HPCAL1: variants seen among roughly 807,000 people sequenced by gnomAD.
HPCAL1 encodes hippocalcin like 1.
Under a neutral mutation model 17.1 loss-of-function variants are expected in HPCAL1, and 8 were observed. That is an observed-to-expected ratio of 0.47 (90% CI 0.27 to 0.84). The LOEUF is 0.84. Among genes scored for constraint, HPCAL1 ranks in the 40% least tolerant of loss-of-function variants. HPCAL1 has a pLI of 0.13. For missense variants in HPCAL1, 165 were observed against 271.1 expected (o/e 0.61, Z 2.75); for synonymous variants, 112 against 111.4 (o/e 1.01, Z -0.03).
rs549897952 is a variant in HPCAL1 at position 10,377,518 on chromosome 2, C to T, written c.-110-19317C>T. 2.0e-5 allele frequency among the ~76,000 whole-genome samples: 3 copies of T among 152,248 alleles called. No individual in the cohort carries two copies. Among genetic ancestry groups the T allele is most frequent in the East Asian group, 3.9e-4 (2 of 5,164 alleles). ...CCACACCCCCATCCCTGTCCTTTCA[C>T]GCACTGTCTGCCCGCACACACTCTT... On this transcript the variant is annotated intron_variant, in intron 1 of 4. Coordinates refer to ENST00000307845, the MANE Select transcript of HPCAL1 (RefSeq NM_002149.4). The surrounding 1 kb of genome is among the most constrained non-coding windows in gnomAD (Gnocchi z 5.9).
At chr2:10,346,586 C>T (rs910504507) in intron 1 of HPCAL1, among the ~76,000 whole-genome samples, 6 of 152,222 alleles carry the variant, frequency 3.9e-5, no homozygotes, top group Admixed American at 3.9e-4. Context: ...ATTAAAAGCA[C>T]TGTCCAGTTG....
rs1665271570 is a variant in HPCAL1, at chr2:10,344,291, C to T, written c.-111+41114C>T. Reference sequence around the variant, plus strand: ...TGTGGGGTGTGCAGCAGCCCTGAGCCAAGGATTAATTACGTAACAAGCCCA... The same window carrying T: ...TGTGGGGTGTGCAGCAGCCCTGAGCTAAGGATTAATTACGTAACAAGCCCA... On this transcript the variant is annotated intron_variant, in intron 1 of 4. Transcript: ENST00000307845. The surrounding 1 kb of genome is among the most constrained non-coding windows in gnomAD (Gnocchi z 4.9). Among the ~76,000 whole-genome samples, 1 of 152,046 alleles carries T rather than the reference C, an allele frequency of 6.6e-6. No individual in the cohort carries two copies. Among genetic ancestry groups the T allele is most frequent in the African/African-American group, 2.4e-5 (1 of 41,372 alleles).
chr2:10,332,750 C>T (rs1664463000), intron 1 of HPCAL1, among the ~76,000 whole-genome samples: 1 of 151,776 alleles, frequency 6.6e-6, no homozygotes, highest in Admixed American at 6.6e-5. Flanking sequence ...GAGAAGACAT[C>T]ACAGGTAGGG....
intron 2 of HPCAL1, among the ~76,000 whole-genome samples, chr2:10,399,436 CCACCATCACCAT>C (rs1669384639): frequency 1.3e-5 from 1 of 76,612 alleles, no homozygotes; most frequent in African/African-American, 4.1e-5. Context: ...ACCACCACCA[CCACCATCACCAT>C]CACCACCACC....
rs1011790101 is a variant in HPCAL1, at chr2:10,342,650, C to T, written c.-111+39473C>T. ...GCAGAGGTGCTGGCTGGAGGAACCCCGTGTGTTTGCACTGTGCTCTGAGCT... is the reference window on the plus strand; with the variant it reads ...GCAGAGGTGCTGGCTGGAGGAACCCTGTGTGTTTGCACTGTGCTCTGAGCT... On this transcript the variant is annotated intron_variant, in intron 1 of 4. Coordinates refer to ENST00000307845, the MANE Select transcript of HPCAL1 (RefSeq NM_002149.4). This position sits in a 1 kb window ranked among gnomAD's most constrained non-coding sequence, Gnocchi z 4.1. Among the ~76,000 whole-genome samples, 5 of 152,184 alleles carry T rather than the reference C, an allele frequency of 3.3e-5. No homozygotes were observed. Among genetic ancestry groups the T allele is most frequent in the African/African-American group, 9.7e-5 (4 of 41,442 alleles).
chr2:10,378,378 C>T (rs975591281), intron 1 of HPCAL1, among the ~76,000 whole-genome samples: 2 of 151,932 alleles, frequency 1.3e-5, no homozygotes, highest in Non-Finnish European at 2.9e-5. Flanking sequence ...GGGTGCTTGC[C>T]TCAGCTCTCA....
chr2:10,314,302 G>T (rs1663166427), intron 1 of HPCAL1, among the ~76,000 whole-genome samples: 1 of 151,958 alleles, frequency 6.6e-6, no homozygotes, highest in Admixed American at 6.6e-5. Context: ...AGGGGTGGGG[G>T]GTGGCAGGAA....
Position 10,344,814 on chromosome 2 carries a change from T to C in HPCAL1, c.-111+41637T>C, listed in dbSNP as rs1439275689. Among the ~76,000 whole-genome samples, 4 of 152,134 alleles carry C rather than the reference T, an allele frequency of 2.6e-5. No homozygotes were observed. Among genetic ancestry groups the C allele is most frequent in the African/African-American group, 9.7e-5 (4 of 41,412 alleles). Reference sequence around the variant, plus strand: ...TTCTGTCTCTTTCTGCTTCTCTCTCTGTGTCTGTCTCTGTCTCTCTCTTTC... The same window carrying C: ...TTCTGTCTCTTTCTGCTTCTCTCTCCGTGTCTGTCTCTGTCTCTCTCTTTC... On this transcript the variant is annotated intron_variant, in intron 1 of 4. Coordinates refer to ENST00000307845, the MANE Select transcript of HPCAL1 (RefSeq NM_002149.4). This position sits in a 1 kb window ranked among gnomAD's most constrained non-coding sequence, Gnocchi z 4.9.
At position 10,384,330 on chromosome 2, in the gene HPCAL1, G is replaced by A. The variant is rs1668170433; in HGVS notation, c.-110-12505G>A. 6.6e-6 allele frequency among the ~76,000 whole-genome samples: 1 copy of A among 152,130 alleles called. No homozygotes were observed. The highest frequency in any genetic ancestry group is 2.1e-4 in the South Asian group (1 of 4,834). On this transcript the variant is annotated intron_variant, in intron 1 of 4. Transcript: ENST00000307845. This position sits in a 1 kb window ranked among gnomAD's most constrained non-coding sequence, Gnocchi z 4.4. ...CCTTGTGGGAGGAGAGGGGTGGAGG[G>A]AGAGAACACCCTCCACACATCCCCG...
At chr2:10,358,870 A>G (rs1666352332) in intron 1 of HPCAL1, among the ~76,000 whole-genome samples, 1 of 152,134 alleles carries the variant, frequency 6.6e-6, no homozygotes, top group African/African-American at 2.4e-5. Context: ...TGTCCTTATG[A>G]TAAGGCAGGG....
chr2:10,425,185 G>A (rs111261082), intron 4 of HPCAL1: 2,747 of 155,828 alleles, frequency 0.018, 79 homozygotes, highest in African/African-American at 0.061. Context: ...TGGGGAGGCT[G>A]GGGCCGTGGA....
chr2:10,399,164 G>T (rs954724330), intron 2 of HPCAL1, among the ~76,000 whole-genome samples: 2 of 146,312 alleles, frequency 1.4e-5, no homozygotes, highest in Admixed American at 1.4e-4. Context: ...CCCATCCCCA[G>T]ACCCCTGGGG....
chr2:10,409,956 A>C (rs1264822258), intron 2 of HPCAL1, among the ~76,000 whole-genome samples: 1 of 151,846 alleles, frequency 6.6e-6, no homozygotes. Flanking sequence ...GCACCCAGCT[A>C]ATTTTTTATA....
intron 2 of HPCAL1, among the ~76,000 whole-genome samples, chr2:10,418,057 TAG>T (rs1448402518): frequency 1.3e-5 from 2 of 151,270 alleles, no homozygotes; most frequent in Non-Finnish European, 2.9e-5. Context: ...AAATAAAAAA[TAG>T]ATAGATAGAT....
chr2:10,353,431 G>T (rs560844828), intron 1 of HPCAL1, among the ~76,000 whole-genome samples: 49 of 152,298 alleles, frequency 3.2e-4, no homozygotes, highest in Admixed American at 2.2e-3. Context: ...GTGCTGTCGT[G>T]GGGGGCCCTG....
chr2:10,370,610 C>T (rs1041413784), intron 1 of HPCAL1, among the ~76,000 whole-genome samples: 1 of 152,218 alleles, frequency 6.6e-6, no homozygotes, highest in East Asian at 1.9e-4. Flanking sequence ...CAAGGCTGCC[C>T]CATGATGCCA....
rs76711328 is a variant in HPCAL1 at position 10,323,918 on chromosome 2, A to G, written c.-111+20741A>G. Reference sequence around the variant, plus strand: ...ATTTTTCTAGTCTTCCCATTACTAAATGTGGCACAAGAACGTAGTCTAAAG... The same window carrying G: ...ATTTTTCTAGTCTTCCCATTACTAAGTGTGGCACAAGAACGTAGTCTAAAG... On this transcript the variant is annotated intron_variant, in intron 1 of 4. Coordinates refer to ENST00000307845, the MANE Select transcript of HPCAL1 (RefSeq NM_002149.4). The surrounding 1 kb of genome is among the most constrained non-coding windows in gnomAD (Gnocchi z 4.6). Among the ~76,000 whole-genome samples, 596 of 152,370 alleles carry G rather than the reference A, an allele frequency of 3.9e-3. 4 individuals carry two copies. Among genetic ancestry groups the G allele is most frequent in the African/African-American group, 0.014 (575 of 41,590 alleles).
intron 2 of HPCAL1, among the ~76,000 whole-genome samples, chr2:10,402,885 C>T (rs1669713460): frequency 6.6e-6 from 1 of 152,120 alleles, no homozygotes; most frequent in Non-Finnish European, 1.5e-5. Context: ...TGCGCAAAAC[C>T]CCAGGGAGGA....
rs532503262 is a variant in HPCAL1 at position 10,385,950 on chromosome 2, G to A, written c.-110-10885G>A. 1.1e-4 allele frequency among the ~76,000 whole-genome samples: 17 copies of A among 152,288 alleles called. No homozygotes were observed. In the South Asian group the frequency reaches 3.3e-3, roughly 30 times the overall value. ...GGGGGCTTTTCTTCCTGCTCTGCCT[G>A]TTTGGGAAGCCTCTGGCCACTGAGC... On this transcript the variant is annotated intron_variant, in intron 1 of 4. Transcript: ENST00000307845.
Sources: allele counts gnomAD v4.1 joint callset (sites outside exome capture counted in the v4.1 genomes callset), GRCh38; gene constraint gnomAD v4.1.1; non-coding constraint Gnocchi (gnomAD v3.1); transcripts MANE v1.5; gene names NCBI Gene and HGNC (gene_info 2026-07-23, HGNC 2026-07-21).